The following DOCK3 variants were observed in gnomAD, a reference collection of about 807,000 sequenced individuals.
The protein encoded by DOCK3 is dedicator of cytokinesis 3.
Under a neutral mutation model 265.6 loss-of-function variants are expected in DOCK3, and 60 were observed. That is an observed-to-expected ratio of 0.23 (90% CI 0.18 to 0.28). DOCK3 has a LOEUF of 0.28. DOCK3 is among the 10% of genes least tolerant of loss of function. The pLI, the probability that DOCK3 is intolerant of heterozygous loss-of-function variation, is 1.00. For missense variants in DOCK3, 1,981 were observed against 2,594.3 expected (o/e 0.76, Z 5.14); for synonymous variants, 881 against 938.0 (o/e 0.94, Z 1.11).
chr3:51,202,207 CA>C (rs1299465151), intron 12 of DOCK3, among the ~76,000 whole-genome samples: 1 of 132,820 alleles, frequency 7.5e-6, no homozygotes, highest in Non-Finnish European at 1.6e-5. Context: ...AAAAACCCTT[CA>C]AAAAATTAAT....
intron 10 of DOCK3, among the ~76,000 whole-genome samples, chr3:51,149,692 A>G (rs1385546626): frequency 6.6e-6 from 1 of 152,204 alleles, no homozygotes; most frequent in African/African-American, 2.4e-5. Flanking sequence ...GATGAAGCCA[A>G]CTTGATCGTG....
chr3:51,087,869 C>T (rs989122388), intron 7 of DOCK3, among the ~76,000 whole-genome samples: 2 of 152,074 alleles, frequency 1.3e-5, no homozygotes, highest in Non-Finnish European at 2.9e-5. Context: ...AACAGAACCA[C>T]CATTTGATCC....
intron 5 of DOCK3, among the ~76,000 whole-genome samples, chr3:50,954,689 G>A (rs1360680945): frequency 6.6e-6 from 1 of 151,618 alleles, no homozygotes; most frequent in Non-Finnish European, 1.5e-5. Context: ...TTTTTTTCTT[G>A]TAAATTTAAG....
At chr3:51,197,833 C>T (rs907398886) in intron 12 of DOCK3, among the ~76,000 whole-genome samples, 2 of 152,178 alleles carry the variant, frequency 1.3e-5, no homozygotes, top group African/African-American at 4.8e-5. Context: ...ACATTCCTCA[C>T]ACCTTAGTCC....
In DOCK3 at chr3:51,063,906, G is replaced by A. The variant is rs775312242; in HGVS notation, c.316-542G>A. Among the ~76,000 whole-genome samples the A allele has an allele frequency of 1.2e-4, 18 of 152,284 alleles. No individual in the cohort carries two copies. The South Asian group carries it at 2.5e-3, about 21-fold the overall frequency. ...AGAGGGAGTCGGGGAAGGACACACC[G>A]TTTAGAAAAGCTAATTAGAAAATCA... On this transcript the variant is annotated intron_variant, in intron 5 of 52. Transcript: ENST00000266037.
At chr3:50,944,603 T>G (rs941360845) in intron 5 of DOCK3, among the ~76,000 whole-genome samples, 1 of 152,182 alleles carries the variant, frequency 6.6e-6, no homozygotes, top group Non-Finnish European at 1.5e-5. Flanking sequence ...TATTCTTCAT[T>G]TTTAGAGTTA....
intron 9 of DOCK3, among the ~76,000 whole-genome samples, chr3:51,121,804 A>T (rs1250114108): frequency 1.3e-5 from 2 of 152,096 alleles, no homozygotes; most frequent in African/African-American, 4.8e-5. Context: ...TCAGTCCCTA[A>T]ATCAGCTGAG....
In DOCK3 at chr3:50,854,592, G is replaced by GTTTTTTTTTTTTTTTTTTTTTTTTTTTT. The variant is rs71084118; in HGVS notation, c.162+12895_162+12896insTTTTTTTTTTTTTTTTTTTTTTTTTTTT. Reference sequence around the variant, plus strand: ...GCTACAGATGAGCACCATCACACCAGTTTTTTTTTTTTTTTTTTGGTGGTC... The same window carrying GTTTTTTTTTTTTTTTTTTTTTTTTTTTT: ...GCTACAGATGAGCACCATCACACCAGTTTTTTTTTTTTTTTTTTTTTTTTTTTTTTTTTTTTTTTTTTTTTTGGTGGTC... On this transcript the variant is annotated intron_variant, in intron 3 of 52. Coordinates refer to ENST00000266037, the MANE Select transcript of DOCK3 (RefSeq NM_004947.5). Among the ~76,000 whole-genome samples, 8 of 47,220 alleles carry GTTTTTTTTTTTTTTTTTTTTTTTTTTTT rather than the reference G, an allele frequency of 1.7e-4. 4 individuals carry two copies. Among genetic ancestry groups the GTTTTTTTTTTTTTTTTTTTTTTTTTTTT allele is most frequent in the Non-Finnish European group, 2.8e-4 (8 of 28,106 alleles). 31.0% of individuals were successfully genotyped at this position (47,220 alleles called of 152,430 possible).
intron 3 of DOCK3, among the ~76,000 whole-genome samples, chr3:50,882,419 A>G (rs1367912130): frequency 6.6e-6 from 1 of 152,234 alleles, no homozygotes; most frequent in East Asian, 1.9e-4. Context: ...CAAATTTACA[A>G]GAAAAAATCA....
In DOCK3 at chr3:51,228,757, C is replaced by G. The variant is rs2090432650; in HGVS notation, c.1744C>G (p.Leu582Val). 1 of 1,613,874 alleles carries G rather than the reference C, an allele frequency of 6.2e-7. No homozygotes were observed. Residue 582 changes from leucine (L) to valine (V), a missense_variant, in exon 18 of 53, where the codon CTC becomes GTC. Leu to Val is a conservative substitution (Grantham distance 32). Coordinates refer to ENST00000266037, the MANE Select transcript of DOCK3 (RefSeq NM_004947.5). ...YNGCPNIPSSLIFQRSTKESF... is the reference protein window; with the variant it reads ...YNGCPNIPSSVIFQRSTKESF... ...TGGCTGCCCTAATATTCCTTCTAGC[C>G]TCATCTTCCAGCGCAGCACCAAAGA...
chr3:51,153,584 C>A (rs1051957158), intron 10 of DOCK3, among the ~76,000 whole-genome samples: 2 of 152,168 alleles, frequency 1.3e-5, no homozygotes, highest in African/African-American at 2.4e-5. Flanking sequence ...CCATCTTCTG[C>A]GTCGATCATG....
At chr3:51,001,340 A>G (rs1157152276) in intron 5 of DOCK3, among the ~76,000 whole-genome samples, 1 of 152,166 alleles carries the variant, frequency 6.6e-6, no homozygotes, top group South Asian at 2.1e-4. Flanking sequence ...TTTTTCCTGC[A>G]TTCCAACTCA....
chr3:51,307,705 C>T (rs1042745840), intron 27 of DOCK3, among the ~76,000 whole-genome samples: 34 of 151,968 alleles, frequency 2.2e-4, no homozygotes, highest in African/African-American at 8.0e-4. Flanking sequence ...ATGTGCACAG[C>T]CCTGCACTCA....
chr3:50,914,362 T>C (rs1322827240), intron 4 of DOCK3, among the ~76,000 whole-genome samples: 1 of 152,138 alleles, frequency 6.6e-6, no homozygotes, highest in African/African-American at 2.4e-5. Context: ...TTAATACCAC[T>C]TTTGCTGTAT....
At chr3:51,198,833 A>G (rs2088495166) in intron 12 of DOCK3, among the ~76,000 whole-genome samples, 1 of 152,172 alleles carries the variant, frequency 6.6e-6, no homozygotes, top group Non-Finnish European at 1.5e-5. Context: ...GTTCAAGACC[A>G]GCCTGGACAA....
chr3:50,913,428 T>C (rs184274047), intron 4 of DOCK3, among the ~76,000 whole-genome samples: 3 of 151,576 alleles, frequency 2.0e-5, no homozygotes, highest in African/African-American at 7.3e-5. Context: ...AGGGGAGGGG[T>C]GATGTCAGCA....
intron 14 of DOCK3, among the ~76,000 whole-genome samples, chr3:51,214,592 A>G (rs1045350342): frequency 1.3e-5 from 2 of 152,242 alleles, no homozygotes; most frequent in African/African-American, 4.8e-5. Context: ...TTCTTAGAAT[A>G]TAATTGTCTC....
intron 4 of DOCK3, among the ~76,000 whole-genome samples, chr3:50,892,669 A>G (rs1472943602): frequency 6.6e-6 from 1 of 152,010 alleles, no homozygotes; most frequent in Non-Finnish European, 1.5e-5. Flanking sequence ...CATGCAGGGG[A>G]AGCTAAGAAC....
At chr3:50,865,262 A>G (rs778363066) in intron 3 of DOCK3, among the ~76,000 whole-genome samples, 5 of 152,118 alleles carry the variant, frequency 3.3e-5, no homozygotes, top group African/African-American at 4.8e-5. Flanking sequence ...CTATTTGTTT[A>G]TACACATTAA....
Sources: allele counts gnomAD v4.1 joint callset (sites outside exome capture counted in the v4.1 genomes callset), GRCh38; gene constraint gnomAD v4.1.1; transcripts MANE v1.5; gene names NCBI Gene and HGNC (gene_info 2026-07-23, HGNC 2026-07-21).